The following MAP2 variants were observed in gnomAD, a reference collection of about 807,000 sequenced individuals.
MAP2 encodes the protein microtubule associated protein 2.
In MAP2, 14 loss-of-function variants were observed where a neutral mutation model predicts 137.6. The ratio of observed to expected loss-of-function variants is 0.10; its 90% CI spans 0.07 to 0.16. The LOEUF (loss-of-function observed/expected upper bound fraction) is 0.16. Among genes scored for constraint, MAP2 ranks in the 10% least tolerant of loss-of-function variants. The probability of loss-of-function intolerance (pLI) is 1.00; values close to 1 mark genes in which losing one functional copy is unlikely to be tolerated. For synonymous variants in MAP2, 786 were observed against 782.3 expected, an observed-to-expected ratio of 1.00 and a Z score of -0.08; for missense variants, 2,088 against 2,191.5, an observed-to-expected ratio of 0.95 and a Z score of 0.94.
chr2:209,546,144 A>C (rs553582278), intron 2 of MAP2, among the ~76,000 whole-genome samples: 1 of 152,256 alleles, frequency 6.6e-6, no homozygotes, highest in Non-Finnish European at 1.5e-5. Flanking sequence ...CTCCGTCTCA[A>C]AAAGAAAAAT....
chr2:209,604,921 A>T (rs929165589), intron 3 of MAP2, among the ~76,000 whole-genome samples: 3 of 152,120 alleles, frequency 2.0e-5, no homozygotes, highest in African/African-American at 4.8e-5. Context: ...AATGCTAAAA[A>T]CTTTAGAGGC....
chr2:209,474,015 G>A (rs898468296), intron 1 of MAP2, among the ~76,000 whole-genome samples: 3 of 152,090 alleles, frequency 2.0e-5, no homozygotes, highest in African/African-American at 7.2e-5. Context: ...GATCTACTCC[G>A]CAGTGCTCTA....
At chr2:209,589,073 T>C (rs1418096001) in intron 3 of MAP2, among the ~76,000 whole-genome samples, 1 of 152,106 alleles carries the variant, frequency 6.6e-6, no homozygotes, top group Admixed American at 6.6e-5. Flanking sequence ...CTCCCTATGT[T>C]ATGTTCACAA....
chr2:209,611,196 AATTATAGACCTTAGATCATACTCAGGG>A (rs1284745484), intron 3 of MAP2, among the ~76,000 whole-genome samples: 1 of 152,096 alleles, frequency 6.6e-6, no homozygotes, highest in Non-Finnish European at 1.5e-5. Flanking sequence ...CTTTTTTAAA[AATTATAGACCTTAGATCATACTCAGGG>A]ATTATATTGA....
chr2:209,478,121 GA>G (rs1459984650), intron 1 of MAP2, among the ~76,000 whole-genome samples: 1 of 152,286 alleles, frequency 6.6e-6, no homozygotes, highest in East Asian at 1.9e-4. Context: ...TAGGTGTGGG[GA>G]AAATAGAATG....
At chr2:209,548,725 C>T (rs1003704996) in intron 2 of MAP2, among the ~76,000 whole-genome samples, 3 of 152,062 alleles carry the variant, frequency 2.0e-5, no homozygotes, top group Non-Finnish European at 4.4e-5. Context: ...TGGTTTCTCC[C>T]GTGCTCTTCT....
intron 4 of MAP2, among the ~76,000 whole-genome samples, chr2:209,642,922 A>G (rs887341890): frequency 6.6e-5 from 10 of 152,194 alleles, no homozygotes; most frequent in African/African-American, 2.4e-4. Flanking sequence ...AAAAGTTTCT[A>G]TTTTGTGATA....
Position 209,695,425 on chromosome 2 carries a change from G to T in MAP2, c.3255G>T (p.Pro1085=), listed in dbSNP as rs141758882. 3.1e-6 allele frequency: 5 copies of T among 1,613,364 alleles called. No homozygotes were observed. Among genetic ancestry groups the T allele is most frequent in the Non-Finnish European group, 4.2e-6 (5 of 1,179,714 alleles). Residue 1085 remains proline (P), a synonymous_variant, in exon 8 of 16, where the codon CCG becomes CCT. Coordinates refer to ENST00000682079, the MANE Select transcript of MAP2 (RefSeq NM_001375505.1). The part of the protein sequence containing the change: ...TQDMTPSSKA[P]QEADAFMGVE... ...ACATGACCCCCTCATCCAAAGCACC[G>T]CAGGAGGCAGATGCATTTATGGGTG...
intron 2 of MAP2, among the ~76,000 whole-genome samples, chr2:209,553,623 A>G (rs527795812): frequency 6.6e-6 from 1 of 152,324 alleles, no homozygotes; most frequent in South Asian, 2.1e-4. Flanking sequence ...TTATTGGCAT[A>G]ACTTCTCAGT....
At chr2:209,723,899 T>G (rs1385733163) in intron 13 of MAP2, among the ~76,000 whole-genome samples, 1 of 152,180 alleles carries the variant, frequency 6.6e-6, no homozygotes, top group Admixed American at 6.5e-5. Context: ...TTTCCTGCTT[T>G]GATTTGGGAA....
At chr2:209,463,194 A>G (rs1167819262) in intron 1 of MAP2, among the ~76,000 whole-genome samples, 4 of 152,198 alleles carry the variant, frequency 2.6e-5, no homozygotes, top group African/African-American at 4.8e-5. Context: ...ACTGAGTCTT[A>G]TAGTGTCATT....
chr2:209,440,608 C>T (rs1405977595), intron 1 of MAP2, among the ~76,000 whole-genome samples: 1 of 151,422 alleles, frequency 6.6e-6, no homozygotes, highest in Admixed American at 6.6e-5. Flanking sequence ...ATCTTAGCTA[C>T]CTGTTTGCTC....
At position 209,725,779 on chromosome 2, in the gene MAP2, G is replaced by A. The variant is rs1166578294; in HGVS notation, c.5144G>A (p.Arg1715His). The change falls in exon 14 of 16, where the codon CGC becomes CAC. Residue 1715 changes from arginine to histidine, a missense_variant. By Grantham distance (29) the Arg-to-His change is conservative. Around this residue, in one of 6 missense-constraint regions of MAP2, gnomAD observed 112 missense variants for 201.0 expected, o/e 0.56. Transcript: ENST00000682079. ...TSKCGSLKNIRHRPGGGRVKI... is the reference protein window; with the variant it reads ...TSKCGSLKNIHHRPGGGRVKI... Reference sequence around the variant, plus strand: ...AAATGTGGCTCTCTGAAGAACATCCGCCACAGGCCAGGTAAATAAATAATT... The same window carrying A: ...AAATGTGGCTCTCTGAAGAACATCCACCACAGGCCAGGTAAATAAATAATT... 24 of 1,592,738 alleles carry A rather than the reference G, an allele frequency of 1.5e-5. No individual in the cohort carries two copies. The highest frequency in any genetic ancestry group is 3.5e-5 in the Admixed American group (2 of 56,500).
intron 11 of MAP2, among the ~76,000 whole-genome samples, chr2:209,704,191 A>T (rs760901089): frequency 2.6e-5 from 4 of 152,098 alleles, no homozygotes; most frequent in East Asian, 3.9e-4. Context: ...TTTAGCTCCC[A>T]CTTATAAATG....
intron 3 of MAP2, among the ~76,000 whole-genome samples, chr2:209,593,028 A>G (rs889264120): frequency 4.0e-5 from 6 of 151,828 alleles, no homozygotes; most frequent in Non-Finnish European, 5.9e-5. Context: ...TGCTAATTCT[A>G]TTTTTAAAAA....
At chr2:209,520,948 T>G (rs768801082) in intron 2 of MAP2, among the ~76,000 whole-genome samples, 1 of 152,076 alleles carries the variant, frequency 6.6e-6, no homozygotes, top group African/African-American at 2.4e-5. Context: ...GCAATACCAT[T>G]GGTTGGTCTC....
chr2:209,675,911 A>G (rs2051179472), intron 5 of MAP2, among the ~76,000 whole-genome samples: 2 of 151,892 alleles, frequency 1.3e-5, no homozygotes, highest in Non-Finnish European at 2.9e-5. Flanking sequence ...ATACTTAATA[A>G]TAGAGTAAAT....
At chr2:209,497,781 A>G (rs1354307468) in intron 1 of MAP2, among the ~76,000 whole-genome samples, 1 of 152,148 alleles carries the variant, frequency 6.6e-6, no homozygotes, top group East Asian at 1.9e-4. Flanking sequence ...ATGAAAACTC[A>G]CTATCACAAA....
intron 2 of MAP2, among the ~76,000 whole-genome samples, chr2:209,538,436 T>C (rs994307667): frequency 6.6e-5 from 10 of 152,100 alleles, no homozygotes; most frequent in African/African-American, 2.4e-4. Context: ...AAAATAATAA[T>C]GATGAAGTGA....
Sources: allele counts gnomAD v4.1 joint callset (sites outside exome capture counted in the v4.1 genomes callset), GRCh38; gene constraint gnomAD v4.1.1; regional missense constraint gnomAD v4.1.1; transcripts MANE v1.5; gene names NCBI Gene and HGNC (gene_info 2026-07-23, HGNC 2026-07-21).